Variants in SLC5A4 observed in about 807,000 individuals in gnomAD.
SLC5A4 encodes the protein probable glucose sensor protein SLC5A4.
SLC5A4 carries 55 observed loss-of-function variants against 70.3 expected under a neutral mutation model. The observed-to-expected ratio is 0.78, with a 90% CI of 0.63 to 0.98. The LOEUF (loss-of-function observed/expected upper bound fraction) is 0.98, where lower values mean the gene tolerates loss of function less well. Among genes scored for constraint, SLC5A4 ranks in the 50% least tolerant of loss-of-function variants. SLC5A4 has a pLI of 0.00. For synonymous variants in SLC5A4, 268 were observed against 305.7 expected (o/e 0.88, Z 1.29); for missense variants, 735 against 839.2 (o/e 0.88, Z 1.53).
At chr22:32,260,431 G>C in the SLC5A4 span, among the ~76,000 whole-genome samples, 1 of 151,708 alleles carries the variant, frequency 6.6e-6, no homozygotes, top group African/African-American at 2.4e-5. Context: ...TTGAAACCAG[G>C]GAGAAACGGT....
the SLC5A4 span, chr22:32,270,296 A>G: frequency 2.4e-6 from 2 of 824,274 alleles, no homozygotes; most frequent in South Asian, 1.3e-5. Flanking sequence ...CCTGAGCCGG[A>G]CCTGGAGATT....
At chr22:32,267,233 A>T in the SLC5A4 span, among the ~76,000 whole-genome samples, 1 of 152,292 alleles carries the variant, frequency 6.6e-6, no homozygotes, top group Admixed American at 6.5e-5. Flanking sequence ...ACGTCAGTAA[A>T]AATCTAATAT....
chr22:32,249,397 C>G (rs1203743911), intron 3 of SLC5A4, among the ~76,000 whole-genome samples: 1 of 152,178 alleles, frequency 6.6e-6, no homozygotes, highest in Non-Finnish European at 1.5e-5. Context: ...TTCTCTGCAG[C>G]CTGCTCATCA....
rs1925615767 is a variant in SLC5A4, at chr22:32,229,463, A to C, written c.1130-119T>G. 5.0e-6 allele frequency: 5 copies of C among 1,003,122 alleles called. No individual in the cohort carries two copies. In the Admixed American group the frequency reaches 1.4e-4, roughly 28 times the overall value. The allele number at this position is 1,003,122 out of a possible 1,614,324, so 62.1% of individuals were successfully genotyped here. A position where few individuals can be genotyped will look rare whatever the true frequency, so the allele number is the denominator to read the frequency against. On this transcript the variant is annotated intron_variant, in intron 10 of 14. Transcript: ENST00000266086. ...CATAGGTTAACTGATGTCCTTATCAATACACATCAGCATGTGGAGTTTCCT... is the reference window on the plus strand; with the variant it reads ...CATAGGTTAACTGATGTCCTTATCACTACACATCAGCATGTGGAGTTTCCT...
intron 11 of SLC5A4, among the ~76,000 whole-genome samples, chr22:32,227,972 A>AT (rs1925502975): frequency 6.6e-6 from 1 of 152,108 alleles, no homozygotes; most frequent in Admixed American, 6.5e-5. Context: ...CTTGAAAAAA[A>AT]AATTGTATTT....
intron 7 of SLC5A4, among the ~76,000 whole-genome samples, chr22:32,236,367 A>G (rs1926057446): frequency 6.6e-6 from 1 of 152,066 alleles, no homozygotes; most frequent in African/African-American, 2.4e-5. Context: ...GAAAACTCCA[A>G]CCTATATTTG....
At chr22:32,259,963 AG>A (rs1259660718), upstream of SLC5A4, among the ~76,000 whole-genome samples, 1 of 152,238 alleles carries the variant, frequency 6.6e-6, no homozygotes, top group Non-Finnish European at 1.5e-5. Flanking sequence ...AGGGGAACAC[AG>A]GGCGATGCCT....
At chr22:32,304,302 G>GT in the SLC5A4 span, among the ~76,000 whole-genome samples, 43 of 151,438 alleles carry the variant, frequency 2.8e-4, no homozygotes, top group East Asian at 3.9e-4. Flanking sequence ...ATTTTTGTGG[G>GT]GTTTTTTTCC....
chr22:32,305,095 C>T, the SLC5A4 span, among the ~76,000 whole-genome samples: 83 of 152,162 alleles, frequency 5.5e-4, no homozygotes, highest in African/African-American at 1.6e-3. Flanking sequence ...TTGCCAATAC[C>T]ACACTGTCTT....
intron 14 of SLC5A4, among the ~76,000 whole-genome samples, chr22:32,219,502 G>A (rs1466570942): frequency 6.6e-6 from 1 of 151,708 alleles, no homozygotes; most frequent in African/African-American, 2.4e-5. Context: ...AAAGCTGTGA[G>A]ATTTAAAACA....
At chr22:32,301,308 G>T in the SLC5A4 span, among the ~76,000 whole-genome samples, 147,512 of 152,276 alleles carry the variant, frequency 0.97, 71,464 homozygotes, top group East Asian at 1. Flanking sequence ...CCAGAGTAGC[G>T]GTAACATTTT....
chr22:32,248,601 A>T, intron 4 of SLC5A4, 142 bp downstream of exon 4: 2 of 657,072 alleles, frequency 3.0e-6, no homozygotes, highest in East Asian at 5.0e-5. Flanking sequence ...TGGATTTGAG[A>T]CTGAGCTCCC....
chr22:32,266,177 G>C, the SLC5A4 span, among the ~76,000 whole-genome samples: 1 of 152,166 alleles, frequency 6.6e-6, no homozygotes, highest in Non-Finnish European at 1.5e-5. Context: ...TAATAATCTT[G>C]TGAAGAGCAA....
chr22:32,300,769 GA>G, the SLC5A4 span, among the ~76,000 whole-genome samples: 1 of 152,144 alleles, frequency 6.6e-6, no homozygotes, highest in East Asian at 1.9e-4. Flanking sequence ...TCCATGTTAT[GA>G]ATGTACTACA....
the SLC5A4 span, among the ~76,000 whole-genome samples, chr22:32,323,983 G>A: frequency 1.3e-5 from 2 of 152,202 alleles, no homozygotes; most frequent in Non-Finnish European, 2.9e-5. Context: ...GCCCCTGTGT[G>A]GCAGTCTTTG....
At chr22:32,348,138 G>A in the SLC5A4 span, among the ~76,000 whole-genome samples, 1 of 152,184 alleles carries the variant, frequency 6.6e-6, no homozygotes, top group Non-Finnish European at 1.5e-5. Flanking sequence ...GACTTAGGGT[G>A]AGCTCCTGGA....
chr22:32,315,266 GAGA>G, the SLC5A4 span, among the ~76,000 whole-genome samples: 2 of 123,064 alleles, frequency 1.6e-5, no homozygotes, highest in East Asian at 6.1e-4. Flanking sequence ...GACCATCACA[GAGA>G]AGAATGAAAC....
At chr22:32,317,315 A>G in the SLC5A4 span, among the ~76,000 whole-genome samples, 1 of 152,326 alleles carries the variant, frequency 6.6e-6, no homozygotes, top group Non-Finnish European at 1.5e-5. Context: ...TTAATAAATT[A>G]GAAAGCATGA....
chr22:32,324,292 C>G, the SLC5A4 span, among the ~76,000 whole-genome samples: 2 of 138,600 alleles, frequency 1.4e-5, no homozygotes, highest in Admixed American at 7.7e-5. Flanking sequence ...CACATATATA[C>G]GTATATATAC....
Sources: gnomAD v4.1 joint callset for allele counts (sites outside exome capture counted in the v4.1 genomes callset) on GRCh38, gnomAD v4.1.1 for gene constraint, MANE v1.5 for transcripts, NCBI Gene and HGNC (gene_info 2026-07-23, HGNC 2026-07-21) for gene names.